Variants in PCED1B observed in about 807,000 individuals in gnomAD.
The protein encoded by PCED1B is PC-esterase domain-containing protein 1B.
For missense variants in PCED1B, 573 were observed against 573.9 expected (o/e 1.00, Z 0.02); for synonymous variants, 251 against 246.1 (o/e 1.02, Z -0.19).
At chr12:47,147,042 C>T (rs1940816321) in intron 2 of PCED1B, among the ~76,000 whole-genome samples, 1 of 122,748 alleles carries the variant, frequency 8.1e-6, no homozygotes, top group Admixed American at 1.1e-4. Context: ...GCTCTGTTGC[C>T]CAGGCAGGAG....
At chr12:47,204,571 A>G (rs999274255) in intron 2 of PCED1B, among the ~76,000 whole-genome samples, 3 of 152,176 alleles carry the variant, frequency 2.0e-5, no homozygotes, top group African/African-American at 7.2e-5. Context: ...CCCTACAGCC[A>G]TTTAACTTTG....
intron 1 of PCED1B, chr12:47,080,047 C>G (rs1042954610): frequency 6.6e-6 from 1 of 152,392 alleles, no homozygotes; most frequent in Non-Finnish European, 1.5e-5. Flanking sequence ...CCGGCGCCCC[C>G]TCATACCGCC....
intron 2 of PCED1B, among the ~76,000 whole-genome samples, chr12:47,179,113 C>G (rs1428210478): frequency 4.6e-5 from 7 of 152,112 alleles, no homozygotes; most frequent in Non-Finnish European, 4.4e-5. Context: ...GTAAAAAGCC[C>G]AATTATCTAC....
At chr12:47,083,362 G>A (rs1465494521) in intron 1 of PCED1B, among the ~76,000 whole-genome samples, 1 of 152,078 alleles carries the variant, frequency 6.6e-6, no homozygotes, top group Non-Finnish European at 1.5e-5. Flanking sequence ...GGCACACTGG[G>A]TGTTCTTTGG....
intron 2 of PCED1B, among the ~76,000 whole-genome samples, chr12:47,134,812 G>A (rs1286835221): frequency 1.3e-5 from 2 of 152,208 alleles, no homozygotes; most frequent in Non-Finnish European, 2.9e-5. Context: ...AGCTTGCAGT[G>A]AGCTGAGATT....
intron 3 of PCED1B, among the ~76,000 whole-genome samples, chr12:47,217,440 G>A (rs12369926): frequency 3.0e-5 from 1 of 32,846 alleles, no homozygotes. Flanking sequence ...GAAAAAAAAA[G>A]AAAGAAAGAA....
At chr12:47,085,295 G>C (rs1431065663) in intron 1 of PCED1B, among the ~76,000 whole-genome samples, 1 of 152,190 alleles carries the variant, frequency 6.6e-6, no homozygotes, top group Non-Finnish European at 1.5e-5. Context: ...CCAAGTCCCG[G>C]GAACCCTGGG....
chr12:47,214,967 A>G (rs1395380123), intron 2 of PCED1B, among the ~76,000 whole-genome samples: 1 of 152,006 alleles, frequency 6.6e-6, no homozygotes, highest in Non-Finnish European at 1.5e-5. Context: ...GCTTGCTGCA[A>G]CCTACGCCTC....
intron 2 of PCED1B, among the ~76,000 whole-genome samples, chr12:47,119,531 T>TA (rs34711555): frequency 2.0e-5 from 3 of 151,298 alleles, no homozygotes; most frequent in Non-Finnish European, 2.9e-5. Context: ...CTGCATCTCT[T>TA]AAAAAAAAGA....
Position 47,089,172 on chromosome 12 carries a change from G to A in PCED1B, c.-609+9447G>A, listed in dbSNP as rs558368986. On this transcript the variant is annotated intron_variant, in intron 1 of 3. Coordinates refer to ENST00000546455, the MANE Select transcript of PCED1B (RefSeq NM_138371.3). ...AATATAAACCAAAAGGCCAGGCGTG[G>A]TGGCTCACGCCTGTAATCCCAGCAC... 7.9e-4 allele frequency among the ~76,000 whole-genome samples: 120 copies of A among 152,108 alleles called. 1 individual carries two copies. The highest frequency in any genetic ancestry group is 2.7e-3 in the African/African-American group (114 of 41,514).
chr12:47,176,809 C>T (rs1265173693), intron 2 of PCED1B, among the ~76,000 whole-genome samples: 6 of 151,320 alleles, frequency 4.0e-5, no homozygotes, highest in Admixed American at 6.6e-5. Flanking sequence ...TGGGATCTGA[C>T]GCTATTTCCA....
At chr12:47,189,496 G>A (rs372242334) in intron 2 of PCED1B, among the ~76,000 whole-genome samples, 2 of 152,066 alleles carry the variant, frequency 1.3e-5, no homozygotes, top group Non-Finnish European at 2.9e-5. Flanking sequence ...TTTAAAGGCC[G>A]CTAAATAAAT....
chr12:47,186,528 T>G (rs1942274497), intron 2 of PCED1B, among the ~76,000 whole-genome samples: 1 of 152,100 alleles, frequency 6.6e-6, no homozygotes, highest in Non-Finnish European at 1.5e-5. Context: ...TTCAGGCAGA[T>G]AGGAGGCGGA....
chr12:47,098,403 A>G (rs1938568020), intron 1 of PCED1B, among the ~76,000 whole-genome samples: 1 of 152,268 alleles, frequency 6.6e-6, no homozygotes, highest in Non-Finnish European at 1.5e-5. Flanking sequence ...AAAGTCTATG[A>G]ACAAAGGAAA....
chr12:47,199,365 C>A (rs1486718702), intron 2 of PCED1B, among the ~76,000 whole-genome samples: 2 of 152,046 alleles, frequency 1.3e-5, no homozygotes, highest in Admixed American at 1.3e-4. Context: ...CAAATATCAG[C>A]AAGTTATTTT....
At chr12:47,080,276 C>T (rs1941964858) in intron 1 of PCED1B, among the ~76,000 whole-genome samples, 1 of 152,150 alleles carries the variant, frequency 6.6e-6, no homozygotes, top group Admixed American at 6.5e-5. Context: ...GGGACACGCC[C>T]AGCCACCGAG....
chr12:47,236,049 G>T lies in PCED1B; in HGVS notation c.986G>T (p.Gly329Val), dbSNP rs1943973933. ...QPPPPILHHQ[G>V]MPRFPQGPPD... ...CCTCCTCCCATTCTCCATCACCAGG[G>T]AATGCCCCGGTTCCCACAGGGTCCC... is the stretch of plus-strand genomic sequence containing the variant. The change falls in exon 4 of 4, where the codon GGA becomes GTA. Residue 329 changes from glycine to valine, a missense_variant. Transcript: ENST00000546455. 6.2e-7 allele frequency: 1 copy of T among 1,613,882 alleles called. No individual in the cohort carries two copies. The highest frequency in any genetic ancestry group is 1.7e-5 in the Admixed American group (1 of 59,988).
chr12:47,090,511 G>A (rs947441375), intron 1 of PCED1B, among the ~76,000 whole-genome samples: 40 of 152,028 alleles, frequency 2.6e-4, no homozygotes, highest in Admixed American at 1.4e-3. Context: ...GCATAGAACC[G>A]GAGTACCAGA....
chr12:47,166,134 A>G (rs1359872733), intron 2 of PCED1B, among the ~76,000 whole-genome samples: 2 of 152,204 alleles, frequency 1.3e-5, no homozygotes, highest in Admixed American at 1.3e-4. Context: ...TGTTTGTTCT[A>G]GCCAACATCT....
Sources: allele counts gnomAD v4.1 joint callset (sites outside exome capture counted in the v4.1 genomes callset), GRCh38; gene constraint gnomAD v4.1.1; transcripts MANE v1.5; gene names NCBI Gene and HGNC (gene_info 2026-07-23, HGNC 2026-07-21).